The following VRK2 variants were observed in gnomAD, a reference collection of about 807,000 sequenced individuals.
VRK2 encodes the protein VRK serine/threonine kinase 2.
A neutral mutation model predicts 57.6 loss-of-function variants in VRK2; 60 were observed. The observed-to-expected ratio is 1.04, with a 90% CI of 0.85 to 1.29. The LOEUF is 1.29. Ranked by LOEUF, VRK2 falls within the 50% of genes most tolerant of loss-of-function variation. VRK2 has a pLI of 0.00. For synonymous variants in VRK2, 231 were observed against 199.2 expected (o/e 1.16, Z -1.35); for missense variants, 705 against 588.1 (o/e 1.20, Z -2.06).
At chr2:58,011,015 A>G (rs2103647499) in intron 1 of VRK2, among the ~76,000 whole-genome samples, 1 of 152,340 alleles carries the variant, frequency 6.6e-6, no homozygotes, top group East Asian at 1.9e-4. Context: ...GGGGAACTCC[A>G]TCAGGTGAAA....
At chr2:58,134,022 C>T (rs1679603935) in intron 9 of VRK2, among the ~76,000 whole-genome samples, 1 of 152,126 alleles carries the variant, frequency 6.6e-6, no homozygotes, top group Admixed American at 6.5e-5. Flanking sequence ...AAGTGTGATG[C>T]TTTGGCATGC....
In VRK2 at chr2:58,075,446, C is replaced by A. The variant is rs115142313; in HGVS notation, c.137-8643C>A. On this transcript the variant is annotated intron_variant, in intron 2 of 12. Transcript: ENST00000340157. The stretch of plus-strand genomic sequence containing the variant: ...TTGAATAGTATTTCTATTTTAAGTT[C>A]TTCGAGAGTCTTTCAACTGTTTTCC... Among the ~76,000 whole-genome samples, 826 of 152,182 alleles carry A rather than the reference C, an allele frequency of 5.4e-3. 6 individuals carry two copies. Among genetic ancestry groups the A allele is most frequent in the Middle Eastern group, 0.01 (3 of 294 alleles).
chr2:57,957,095 T>C (rs1671609750), intron 1 of VRK2, among the ~76,000 whole-genome samples: 1 of 152,200 alleles, frequency 6.6e-6, no homozygotes, highest in Non-Finnish European at 1.5e-5. Flanking sequence ...GGAAGCTTTA[T>C]TGATGGTCTT....
At chr2:58,151,731 GTTTT>G (rs60379025) in intron 12 of VRK2, among the ~76,000 whole-genome samples, 16 of 16,692 alleles carry the variant, frequency 9.6e-4, no homozygotes, top group Non-Finnish European at 1.7e-3. Flanking sequence ...TTCTATGCTT[GTTTT>G]TTTTTTTTTT....
intron 1 of VRK2, among the ~76,000 whole-genome samples, chr2:57,970,438 A>G (rs1672062198): frequency 6.6e-6 from 1 of 151,106 alleles, no homozygotes; most frequent in Non-Finnish European, 1.5e-5. Context: ...TTCTTTGTGG[A>G]TTTTTTTTAT....
chr2:58,136,980 T>A (rs1265277419), intron 10 of VRK2, among the ~76,000 whole-genome samples: 1 of 134,544 alleles, frequency 7.4e-6, no homozygotes, highest in Non-Finnish European at 1.5e-5. Flanking sequence ...ATATTATATA[T>A]CATATATATG....
chr2:58,142,296 C>A (rs1681463449), intron 11 of VRK2, among the ~76,000 whole-genome samples: 1 of 151,112 alleles, frequency 6.6e-6, no homozygotes, highest in Non-Finnish European at 1.5e-5. Flanking sequence ...TCTCACCAAA[C>A]TTACATCACC....
chr2:58,107,079 A>G (rs1437691845), intron 7 of VRK2, among the ~76,000 whole-genome samples: 10 of 151,448 alleles, frequency 6.6e-5, no homozygotes, highest in Admixed American at 3.3e-4. Context: ...GAACATAAAC[A>G]TGTTGCTGCT....
At chr2:58,145,433 T>C (rs544882971) in intron 11 of VRK2, among the ~76,000 whole-genome samples, 1 of 152,110 alleles carries the variant, frequency 6.6e-6, no homozygotes, top group Non-Finnish European at 1.5e-5. Context: ...ACTTCAATGA[T>C]AGAAAACTAA....
chr2:58,027,602 A>C (rs551316953), intron 2 of VRK2, among the ~76,000 whole-genome samples: 1 of 152,162 alleles, frequency 6.6e-6, no homozygotes, highest in South Asian at 2.1e-4. Flanking sequence ...GAGTTTAAAA[A>C]GTCAATTATA....
At chr2:57,953,218 C>T (rs888549966) in intron 1 of VRK2, among the ~76,000 whole-genome samples, 1 of 152,182 alleles carries the variant, frequency 6.6e-6, no homozygotes, top group African/African-American at 2.4e-5. Flanking sequence ...AAAGGAGAAA[C>T]AGAGATCACT....
At chr2:57,933,954 T>G (rs2103939354) in intron 1 of VRK2, among the ~76,000 whole-genome samples, 1 of 152,318 alleles carries the variant, frequency 6.6e-6, no homozygotes, top group Middle Eastern at 3.4e-3. Flanking sequence ...AATAAAACAT[T>G]TTATAGAGTC....
At chr2:58,050,152 A>G (rs544693244) in intron 2 of VRK2, among the ~76,000 whole-genome samples, 24 of 152,354 alleles carry the variant, frequency 1.6e-4, no homozygotes, top group African/African-American at 3.6e-4. Flanking sequence ...CCACATTAAA[A>G]TACGTTAAAA....
intron 1 of VRK2, among the ~76,000 whole-genome samples, chr2:58,024,153 T>C (rs2103679297): frequency 6.6e-6 from 1 of 151,960 alleles, no homozygotes; most frequent in African/African-American, 2.4e-5. Flanking sequence ...CCAAATCCTG[T>C]CTCTACTAAA....
chr2:57,930,372 A>G (rs1238971605), intron 1 of VRK2, among the ~76,000 whole-genome samples: 1 of 152,024 alleles, frequency 6.6e-6, no homozygotes, highest in African/African-American at 2.4e-5. Flanking sequence ...AAATTCCACA[A>G]TCACTGTGCG....
Position 58,120,184 on chromosome 2 carries a change from C to CTTTTTTTTTTTTTTTTTTTT in VRK2, c.544-2912_544-2893dup, listed in dbSNP as rs397868874. Among the ~76,000 whole-genome samples the CTTTTTTTTTTTTTTTTTTTT allele has an allele frequency of 2.0e-3, 102 of 51,976 alleles. 5 individuals are homozygous for CTTTTTTTTTTTTTTTTTTTT. Among genetic ancestry groups the CTTTTTTTTTTTTTTTTTTTT allele is most frequent in the East Asian group, 4.0e-3 (7 of 1,746 alleles). 34.1% of individuals were successfully genotyped at this position (51,976 alleles called of 152,430 possible). ...CTTTTTGTCTATTTTTTTTTCTTTT[C>CTTTTTTTTTTTTTTTTTTTT]TTTTTTTTTTTTTTTTTTTTTTTTG... On this transcript the variant is annotated intron_variant, in intron 7 of 12. Transcript: ENST00000340157.
chr2:57,975,978 C>T (rs1043435541), intron 1 of VRK2, among the ~76,000 whole-genome samples: 1 of 151,990 alleles, frequency 6.6e-6, no homozygotes, highest in Non-Finnish European at 1.5e-5. Flanking sequence ...CACATGCAAT[C>T]AACGTTTAGC....
chr2:58,007,480 A>G (rs978097621), intron 1 of VRK2, among the ~76,000 whole-genome samples: 1 of 151,984 alleles, frequency 6.6e-6, no homozygotes, highest in African/African-American at 2.4e-5. Context: ...TAACGTAAAG[A>G]TGACAAGGAT....
intron 1 of VRK2, among the ~76,000 whole-genome samples, chr2:57,931,383 C>A (rs149544633): frequency 7.0e-4 from 106 of 151,948 alleles, no homozygotes; most frequent in African/African-American, 2.5e-3. Context: ...GATGTTGAGC[C>A]CCTTTTAATA....
Sources: gnomAD v4.1 joint callset for allele counts (sites outside exome capture counted in the v4.1 genomes callset) on GRCh38, gnomAD v4.1.1 for gene constraint, MANE v1.5 for transcripts, NCBI Gene and HGNC (gene_info 2026-07-23, HGNC 2026-07-21) for gene names.